Variants in RGS6 observed in about 807,000 individuals in gnomAD.
RGS6 encodes the protein regulator of G protein signaling 6.
Under a neutral mutation model 78.5 loss-of-function variants are expected in RGS6, and 30 were observed. That is an observed-to-expected ratio of 0.38 (90% confidence interval 0.29 to 0.52). RGS6 has a LOEUF of 0.52. Ranked by LOEUF, RGS6 falls within the 20% of genes least tolerant of loss-of-function variation. RGS6 has a pLI of 0.85. For missense variants in RGS6, 495 were observed against 609.7 expected (o/e 0.81, Z 1.98); for synonymous variants, 206 against 206.0 (o/e 1.00, Z 0.00).
intron 2 of RGS6, among the ~76,000 whole-genome samples, chr14:72,101,646 C>T (rs189682299): frequency 6.6e-6 from 1 of 152,252 alleles, no homozygotes; most frequent in East Asian, 1.9e-4. Context: ...AGAGTGAAGT[C>T]AGACTTTGCT....
At chr14:72,133,448 A>C (rs980455197) in intron 2 of RGS6, among the ~76,000 whole-genome samples, 3 of 152,154 alleles carry the variant, frequency 2.0e-5, no homozygotes, top group Non-Finnish European at 4.4e-5. Flanking sequence ...TAAGCAGGAA[A>C]ATCGGTAAAC....
chr14:71,927,618 G>A (rs548072848), upstream of RGS6, among the ~76,000 whole-genome samples: 1 of 152,008 alleles, frequency 6.6e-6, no homozygotes, highest in South Asian at 2.1e-4. Flanking sequence ...ATTAGAAATC[G>A]TGACTTATCA....
chr14:72,400,100 G>A (rs1267534786), intron 3 of RGS6, among the ~76,000 whole-genome samples: 3 of 152,192 alleles, frequency 2.0e-5, no homozygotes, highest in Non-Finnish European at 4.4e-5. Flanking sequence ...ATTCACCGAA[G>A]TTGAAATGAA....
intron 2 of RGS6, among the ~76,000 whole-genome samples, chr14:72,212,119 G>T (rs112395551): frequency 2.6e-5 from 4 of 152,082 alleles, no homozygotes; most frequent in African/African-American, 7.2e-5. Context: ...AGAAAGTCCA[G>T]AATTTTAAAA....
chr14:72,401,443 C>T (rs1243621320), intron 3 of RGS6, among the ~76,000 whole-genome samples: 2 of 151,784 alleles, frequency 1.3e-5, no homozygotes, highest in Non-Finnish European at 2.9e-5. Context: ...GAGGGCATCA[C>T]AGCCATTTTG....
At chr14:72,159,771 G>A (rs1377917664) in intron 2 of RGS6, among the ~76,000 whole-genome samples, 1 of 152,078 alleles carries the variant, frequency 6.6e-6, no homozygotes, top group Admixed American at 6.5e-5. Flanking sequence ...TCTCCAGAGT[G>A]GGGATCCTTA....
At chr14:72,181,213 G>A (rs886294673) in intron 2 of RGS6, among the ~76,000 whole-genome samples, 2 of 152,190 alleles carry the variant, frequency 1.3e-5, no homozygotes, top group African/African-American at 2.4e-5. Context: ...GTTCAGTGTG[G>A]GGAATGGGAT....
intron 2 of RGS6, among the ~76,000 whole-genome samples, chr14:72,006,181 T>G (rs1206967905): frequency 1.3e-5 from 2 of 152,218 alleles, no homozygotes; most frequent in Non-Finnish European, 1.5e-5. Context: ...TTCTCTGTGA[T>G]GCCCACCTTG....
intron 3 of RGS6, among the ~76,000 whole-genome samples, chr14:72,385,842 T>C (rs2087786951): frequency 6.6e-6 from 1 of 152,212 alleles, no homozygotes; most frequent in Admixed American, 6.5e-5. Context: ...TGCTCTTTAA[T>C]TTGTCAATAT....
the RGS6 span, among the ~76,000 whole-genome samples, chr14:72,581,782 C>T: frequency 1.3e-5 from 2 of 152,344 alleles, no homozygotes; most frequent in African/African-American, 4.8e-5. Context: ...TCTCTAGAAA[C>T]CTTCTCTGAT....
chr14:71,971,770 T>C (rs1278363078), intron 2 of RGS6, among the ~76,000 whole-genome samples: 1 of 152,176 alleles, frequency 6.6e-6, no homozygotes, highest in African/African-American at 2.4e-5. Flanking sequence ...AACTTACTTG[T>C]GTGACTGTTG....
At chr14:72,538,220 G>A (rs976382667) in intron 16 of RGS6, among the ~76,000 whole-genome samples, 8 of 152,160 alleles carry the variant, frequency 5.3e-5, no homozygotes, top group African/African-American at 1.9e-4. Context: ...TTTCAGGGAC[G>A]GGTTCACCGT....
chr14:72,097,893 C>G (rs116541817), intron 2 of RGS6, among the ~76,000 whole-genome samples: 1 of 152,084 alleles, frequency 6.6e-6, no homozygotes, highest in Non-Finnish European at 1.5e-5. Flanking sequence ...AGCCAAGCAA[C>G]GTGTAGGATG....
At chr14:72,544,512 G>A (rs185130760) in intron 17 of RGS6, among the ~76,000 whole-genome samples, 58 of 152,292 alleles carry the variant, frequency 3.8e-4, no homozygotes, top group Admixed American at 2.2e-3. Flanking sequence ...GGAGGAGAAG[G>A]GAGAGGAGGA....
At chr14:72,068,572 G>A (rs1171959705) in intron 2 of RGS6, among the ~76,000 whole-genome samples, 23 of 142,538 alleles carry the variant, frequency 1.6e-4, no homozygotes, top group Non-Finnish European at 1.5e-5. Flanking sequence ...ATCTTGGCTA[G>A]CTGTAACCTC....
the RGS6 span, among the ~76,000 whole-genome samples, chr14:71,891,946 T>C: frequency 2.6e-5 from 4 of 152,322 alleles, no homozygotes; most frequent in African/African-American, 9.6e-5. Context: ...AACAGAGTCC[T>C]AATTTGCATG....
intron 15 of RGS6, among the ~76,000 whole-genome samples, chr14:72,529,550 C>G (rs1344784145): frequency 6.6e-6 from 1 of 152,178 alleles, no homozygotes; most frequent in African/African-American, 2.4e-5. Flanking sequence ...CCACATGGGC[C>G]TCCTGAGAGT....
At chr14:72,083,867 T>C (rs2094922365) in intron 2 of RGS6, among the ~76,000 whole-genome samples, 1 of 152,154 alleles carries the variant, frequency 6.6e-6, no homozygotes, top group South Asian at 2.1e-4. Flanking sequence ...ATCAGTCTTG[T>C]ACTTGGGGTC....
At chr14:71,964,941 A>T (rs2093426111) in intron 2 of RGS6, 66 bp downstream of exon 2, 1 of 1,177,156 alleles carries the variant, frequency 8.5e-7, no homozygotes, top group Non-Finnish European at 1.2e-6. Flanking sequence ...TGTAGGGCTG[A>T]TAAAAAGACA....
Sources: gnomAD v4.1 joint callset for allele counts (sites outside exome capture counted in the v4.1 genomes callset) on GRCh38, gnomAD v4.1.1 for gene constraint, MANE v1.5 for transcripts, NCBI Gene and HGNC (gene_info 2026-07-23, HGNC 2026-07-21) for gene names.